Variants in MAP3K5 observed in about 807,000 individuals in gnomAD.
MAP3K5 encodes mitogen-activated protein kinase kinase kinase 5.
A neutral mutation model predicts 158.7 loss-of-function variants in MAP3K5; 56 were observed. The observed-to-expected ratio is 0.35, with a 90% CI of 0.28 to 0.44. MAP3K5 has a LOEUF of 0.44. Among genes scored for constraint, MAP3K5 ranks in the 20% least tolerant of loss-of-function variants. The probability of loss-of-function intolerance (pLI) is 1.00; values close to 1 mark genes in which losing one functional copy is unlikely to be tolerated. For synonymous variants in MAP3K5, 579 were observed against 601.7 expected (o/e 0.96, Z 0.55); for missense variants, 1,294 against 1,674.8 (o/e 0.77, Z 3.97).
intron 7 of MAP3K5, among the ~76,000 whole-genome samples, chr6:136,685,149 C>CA (rs113703763): frequency 1.9e-3 from 274 of 144,638 alleles, no homozygotes; most frequent in South Asian, 0.012. Flanking sequence ...CTTGTCTCTG[C>CA]AAAAAAAAAA....
intron 14 of MAP3K5, among the ~76,000 whole-genome samples, chr6:136,630,714 A>G (rs1777308036): frequency 6.6e-6 from 1 of 152,198 alleles, no homozygotes; most frequent in African/African-American, 2.4e-5. Context: ...GTCTCCCACC[A>G]TACACTTTCT....
intron 19 of MAP3K5, among the ~76,000 whole-genome samples, chr6:136,603,425 G>A (rs192454556): frequency 8.6e-5 from 13 of 150,764 alleles, no homozygotes; most frequent in Non-Finnish European, 1.8e-4. Flanking sequence ...TGATCTGCCC[G>A]CCTCAGCCTC....
chr6:136,605,210 T>G lies in MAP3K5; in HGVS notation c.2678A>C (p.Lys893Thr). The G allele has an allele frequency of 6.2e-7, 1 of 1,613,284 alleles. No individual in the cohort carries two copies. Among genetic ancestry groups the G allele is most frequent in the Non-Finnish European group, 8.5e-7 (1 of 1,179,814 alleles). ...TTTTTAAGAGAAATGAAGTGTGACCTTGAACATAGCTGCTTGTGGTTCTCC... is the reference window on the plus strand; with the variant it reads ...TTTTTAAGAGAAATGAAGTGTGACCGTGAACATAGCTGCTTGTGGTTCTCC... ...ELGEPQAAMFKVGMFKVHPEI... is the reference protein window; with the variant it reads ...ELGEPQAAMFTVGMFKVHPEI... Residue 893 changes from lysine (K) to threonine (T), a missense_variant and splice_region_variant, in exon 19 of 30, where the codon AAG becomes ACG. Physicochemically the swap from Lys to Thr is moderately conservative, Grantham distance 78. Transcript: ENST00000359015.
intron 25 of MAP3K5, among the ~76,000 whole-genome samples, chr6:136,576,129 T>C (rs1197837012): frequency 6.6e-6 from 1 of 152,212 alleles, no homozygotes; most frequent in Non-Finnish European, 1.5e-5. Flanking sequence ...TTTATATTAA[T>C]ATGGACTCAC....
intron 2 of MAP3K5, among the ~76,000 whole-genome samples, chr6:136,707,516 T>C (rs1781128161): frequency 6.6e-6 from 1 of 151,168 alleles, no homozygotes; most frequent in Admixed American, 6.6e-5. Context: ...AAGAAGACAG[T>C]TCAGTTGGGG....
intron 1 of MAP3K5, among the ~76,000 whole-genome samples, chr6:136,744,440 A>G (rs1782846714): frequency 6.6e-6 from 1 of 152,054 alleles, no homozygotes; most frequent in South Asian, 2.1e-4. Context: ...GTCTCTGTTC[A>G]TGGTGTCAGG....
chr6:136,585,306 C>T (rs983014144), intron 23 of MAP3K5, among the ~76,000 whole-genome samples: 2 of 150,960 alleles, frequency 1.3e-5, no homozygotes, highest in Non-Finnish European at 1.5e-5. Context: ...TTTGTAGAGA[C>T]TGGGTTTTGC....
At chr6:136,668,364 A>G (rs1779318705) in intron 8 of MAP3K5, among the ~76,000 whole-genome samples, 1 of 152,064 alleles carries the variant, frequency 6.6e-6, no homozygotes, top group Non-Finnish European at 1.5e-5. Context: ...TGCCTGAGTG[A>G]CAGAGTGAAA....
chr6:136,586,833 A>AAG (rs1478366247), intron 23 of MAP3K5, among the ~76,000 whole-genome samples: 1 of 152,122 alleles, frequency 6.6e-6, no homozygotes, highest in Non-Finnish European at 1.5e-5. Flanking sequence ...AAAATGTGAA[A>AAG]AGAGAGAGTG....
At chr6:136,656,873 C>T (rs1327492962) in intron 9 of MAP3K5, among the ~76,000 whole-genome samples, 5 of 152,166 alleles carry the variant, frequency 3.3e-5, no homozygotes, top group Admixed American at 6.5e-5. Flanking sequence ...CCACCTGCCT[C>T]GGCCTCCCAA....
intron 12 of MAP3K5, among the ~76,000 whole-genome samples, chr6:136,642,010 T>TAA (rs1777972018): frequency 1.0e-5 from 1 of 98,344 alleles, no homozygotes; most frequent in East Asian, 2.7e-4. Context: ...TAAAATAAAA[T>TAA]AAAATAAATA....
intron 23 of MAP3K5, among the ~76,000 whole-genome samples, chr6:136,586,402 T>A (rs1336371626): frequency 2.0e-5 from 3 of 152,248 alleles, no homozygotes; most frequent in Non-Finnish European, 4.4e-5. Flanking sequence ...TTTTTTGATG[T>A]GTGTGCTACT....
chr6:136,592,671 C>T, intron 21 of MAP3K5, 57 bp from the exon 22 acceptor site: 1 of 1,382,276 alleles, frequency 7.2e-7, no homozygotes, highest in Non-Finnish European at 1.0e-6. Context: ...TGTACACATA[C>T]TGAAACACCC....
chr6:136,594,992 T>C (rs1219295220), intron 21 of MAP3K5, among the ~76,000 whole-genome samples: 1 of 152,196 alleles, frequency 6.6e-6, no homozygotes, highest in Non-Finnish European at 1.5e-5. Flanking sequence ...GGAGGCCTAA[T>C]GAGGTAAAAC....
At chr6:136,575,475 C>A (rs542195511) in intron 25 of MAP3K5, among the ~76,000 whole-genome samples, 1 of 152,254 alleles carries the variant, frequency 6.6e-6, no homozygotes, top group African/African-American at 2.4e-5. Context: ...TGACACAATA[C>A]TATTAACTAA....
chr6:136,633,934 T>A (rs1202383735), intron 14 of MAP3K5, among the ~76,000 whole-genome samples: 2 of 152,236 alleles, frequency 1.3e-5, no homozygotes, highest in Non-Finnish European at 2.9e-5. Flanking sequence ...TAATTCTACC[T>A]TCAATTGAGG....
chr6:136,735,517 A>G (rs1782418839), intron 1 of MAP3K5, among the ~76,000 whole-genome samples: 1 of 152,226 alleles, frequency 6.6e-6, no homozygotes, highest in Admixed American at 6.5e-5. Flanking sequence ...AGGAGTCCTT[A>G]TCTTTCAGAG....
At chr6:136,748,378 A>C (rs1783052922) in intron 1 of MAP3K5, among the ~76,000 whole-genome samples, 1 of 152,210 alleles carries the variant, frequency 6.6e-6, no homozygotes, top group Non-Finnish European at 1.5e-5. Flanking sequence ...CCTACTGCTC[A>C]AGGTCATCAC....
At position 136,642,905 on chromosome 6, in the gene MAP3K5, T is replaced by A. The variant is rs1288792042; in HGVS notation, c.1789-336A>T. Among the ~76,000 whole-genome samples the A allele has an allele frequency of 2.6e-5, 4 of 152,232 alleles. No homozygotes were observed. In the East Asian group the frequency reaches 7.7e-4, roughly 29 times the overall value. ...TCAATGATCAAGGTAATTCTATTATTACAGTTGAGAAATACTTCTTTTCCG... is the reference window on the plus strand; with the variant it reads ...TCAATGATCAAGGTAATTCTATTATAACAGTTGAGAAATACTTCTTTTCCG... On this transcript the variant is annotated intron_variant, in intron 11 of 29. Transcript: ENST00000359015.
Sources: allele counts gnomAD v4.1 joint callset (sites outside exome capture counted in the v4.1 genomes callset), GRCh38; gene constraint gnomAD v4.1.1; transcripts MANE v1.5; gene names NCBI Gene and HGNC (gene_info 2026-07-23, HGNC 2026-07-21).